Variants in MED23 observed in about 807,000 individuals in gnomAD.
MED23 encodes the protein mediator of RNA polymerase II transcription subunit 23.
MED23 carries 105 observed loss-of-function variants against 163.9 expected under a neutral mutation model. That is an observed-to-expected ratio of 0.64 (90% CI 0.55 to 0.75). The LOEUF (loss-of-function observed/expected upper bound fraction) is 0.75. Among genes scored for constraint, MED23 ranks in the 30% least tolerant of loss-of-function variants. The pLI, the probability that MED23 is intolerant of heterozygous loss-of-function variation, is 0.00. For missense variants in MED23, 1,054 were observed against 1,649.0 expected (o/e 0.64, Z 6.25); for synonymous variants, 561 against 565.6 (o/e 0.99, Z 0.12).
At chr6:131,588,358 T>A (rs79325891) in intron 28 of MED23, among the ~76,000 whole-genome samples, 2,908 of 152,346 alleles carry the variant, frequency 0.019, 103 homozygotes, top group African/African-American at 0.065. Flanking sequence ...ATATTAGATC[T>A]ACTCTTTTGA....
downstream of MED23, among the ~76,000 whole-genome samples, chr6:131,585,057 T>C (rs1042971478): frequency 1.3e-5 from 2 of 151,032 alleles, no homozygotes; most frequent in African/African-American, 4.9e-5. Context: ...ATAAATCAAA[T>C]TGCTAGTTTG....
At position 131,581,140 on chromosome 6, in the gene MED23, TG is replaced by T. The variant is rs1190355351; in HGVS notation, c.4095+6568del. ...CACTGTGACTCAAAGGAAAACCAAG[TG>T]GGAGCATTGAGTGAATAATATGATG... On this transcript the variant is annotated intron_variant, in intron 30 of 30. Transcript: ENST00000354577. 2.1e-6 allele frequency: 3 copies of T among 1,437,524 alleles called. No individual in the cohort carries two copies. In the African/African-American group the frequency reaches 4.2e-5, roughly 20 times the overall value. 89.0% of individuals were successfully genotyped at this position (1,437,524 alleles called of 1,614,324 possible).
chr6:131,579,725 G>A (rs1197228178), intron 30 of MED23: 2 of 158,868 alleles, frequency 1.3e-5, no homozygotes, highest in Non-Finnish European at 2.8e-5. Flanking sequence ...GAAAAAAAAT[G>A]TGGTAATTGT....
chr6:131,618,335 C>T (rs1048572721), intron 9 of MED23, 72 bp downstream of exon 9: 1 of 963,770 alleles, frequency 1.0e-6, no homozygotes, highest in African/African-American at 1.6e-5. Flanking sequence ...AACAATTTAG[C>T]ATCACATATC....
chr6:131,585,018 A>G (rs956953870), downstream of MED23, among the ~76,000 whole-genome samples: 1 of 151,074 alleles, frequency 6.6e-6, no homozygotes, highest in African/African-American at 2.4e-5. Flanking sequence ...AAAACCAACC[A>G]TATTCCCCAA....
At chr6:131,589,881 AC>A (rs2114580153) in intron 27 of MED23, among the ~76,000 whole-genome samples, 1 of 152,256 alleles carries the variant, frequency 6.6e-6, no homozygotes, top group African/African-American at 2.4e-5. Flanking sequence ...CTTTCTAGAC[AC>A]CATCTCTCGA....
chr6:131,627,112 C>G, intron 3 of MED23: 1 of 348,634 alleles, frequency 2.9e-6, no homozygotes, highest in Non-Finnish European at 5.1e-6. Context: ...CCAAATAAAT[C>G]CGAATAGGAT....
exon 31 of MED23, chr6:131,574,121 C>T (rs1308237157): frequency 3.8e-6 from 3 of 791,902 alleles, no homozygotes; most frequent in Non-Finnish European, 6.6e-6. Flanking sequence ...GACAGAACAC[C>T]TTAGACTTCA....
At chr6:131,613,831 GA>G (rs1776450054) in intron 10 of MED23, among the ~76,000 whole-genome samples, 2 of 147,402 alleles carry the variant, frequency 1.4e-5, no homozygotes, top group South Asian at 4.4e-4. Flanking sequence ...GATCAGATCA[GA>G]AATACTCTCA....
intron 2 of MED23, 68 bp downstream of exon 2, chr6:131,627,573 C>G (rs1400062885): frequency 2.5e-6 from 4 of 1,596,946 alleles, no homozygotes; most frequent in Non-Finnish European, 3.4e-6. Flanking sequence ...CCTTCCAACA[C>G]GAAACTAAGT....
intron 7 of MED23, 108 bp from the exon 8 acceptor site, chr6:131,620,004 A>C: frequency 1.3e-6 from 1 of 755,528 alleles, no homozygotes; most frequent in Non-Finnish European, 2.3e-6. Context: ...ATATATGTAA[A>C]GATTGCACAT....
intron 9 of MED23, among the ~76,000 whole-genome samples, chr6:131,617,238 G>T (rs892949822): frequency 6.6e-6 from 1 of 150,570 alleles, no homozygotes; most frequent in African/African-American, 2.4e-5. Context: ...TGTGTCGCTG[G>T]GGACATAGCA....
chr6:131,615,391 AG>A (rs1776602486), intron 10 of MED23: 1 of 1,588,584 alleles, frequency 6.3e-7, no homozygotes, highest in Non-Finnish European at 8.6e-7. Context: ...ACAAAAATAA[AG>A]GAAGAAAAAA....
rs1774234162 is a variant in MED23, at chr6:131,587,150, T to C, written c.*529A>G. 2 of 1,214,840 alleles carry C rather than the reference T, an allele frequency of 1.6e-6. No individual in the cohort carries two copies. Among genetic ancestry groups the C allele is most frequent in the South Asian group, 5.9e-5 (2 of 34,020 alleles). The allele number at this position is 1,214,840 out of a possible 1,614,324, so 75.3% of individuals were successfully genotyped here. ...TTTATAATAAAATTTCAAGTCATTT[T>C]AAAAAGAATATGAAGCCTTGTTTGC... is the stretch of plus-strand genomic sequence containing the variant. On this transcript the variant is annotated 3_prime_UTR_variant, in exon 29 of 29. Transcript: ENST00000368068.
chr6:131,576,681 G>A lies in MED23; in HGVS notation c.4096-2386C>T, dbSNP rs998513101. ...TGTTCAGCCACGAGGAGGGGTGGAA[G>A]AAGGCCCTACAGTATTGAGAAAGGC... On this transcript the variant is annotated intron_variant, in intron 30 of 30. Transcript: ENST00000354577. 2 of 1,613,980 alleles carry A rather than the reference G, an allele frequency of 1.2e-6. No homozygotes were observed. Among genetic ancestry groups the A allele is most frequent in the African/African-American group, 2.7e-5 (2 of 74,924 alleles).
chr6:131,596,196 G>T (rs1228583923), intron 21 of MED23, 33 bp from the exon 22 acceptor site: 5 of 1,583,908 alleles, frequency 3.2e-6, no homozygotes, highest in Non-Finnish European at 4.3e-6. Context: ...AATGGTTAGA[G>T]CATTTTTTAA....
intron 30 of MED23, among the ~76,000 whole-genome samples, chr6:131,581,005 T>C (rs1410789499): frequency 6.6e-6 from 1 of 152,212 alleles, no homozygotes; most frequent in Admixed American, 6.5e-5. Context: ...TTTTTAGTAA[T>C]GCAATCGATG....
rs144956712 is a variant in MED23, at chr6:131,596,756, A to G, written c.2608-68T>C. On this transcript the variant is annotated intron_variant, in intron 20 of 28. Transcript: ENST00000368068. Reference sequence around the variant, plus strand: ...GTGTAAAATCATGAGGGCCATCTGAAAGCCTAGATTTTAACAAAGTAAAAT... The same window carrying G: ...GTGTAAAATCATGAGGGCCATCTGAGAGCCTAGATTTTAACAAAGTAAAAT... The G allele has an allele frequency of 2.3e-3, 3,271 of 1,431,934 alleles. 69 individuals are homozygous for G. The African/African-American group carries it at 0.039, about 17-fold the overall frequency. 88.7% of individuals were successfully genotyped at this position (1,431,934 alleles called of 1,614,324 possible).
chr6:131,614,892 A>C (rs2114721800), intron 10 of MED23, among the ~76,000 whole-genome samples: 1 of 151,838 alleles, frequency 6.6e-6, no homozygotes, highest in African/African-American at 2.4e-5. Context: ...ATTTTTCTTT[A>C]TTTGTTTTAG....
Sources: gnomAD v4.1 joint callset for allele counts (sites outside exome capture counted in the v4.1 genomes callset) on GRCh38, gnomAD v4.1.1 for gene constraint, MANE v1.5 for transcripts, NCBI Gene and HGNC (gene_info 2026-07-23, HGNC 2026-07-21) for gene names.